The following SH3YL1 variants were observed in gnomAD, a reference collection of about 807,000 sequenced individuals.
SH3YL1 encodes the protein SH3 domain-containing YSC84-like protein 1.
In SH3YL1, 41 loss-of-function variants were observed where a neutral mutation model predicts 45.8. The ratio of observed to expected loss-of-function variants is 0.89; its 90% CI spans 0.70 to 1.16. SH3YL1 has a LOEUF of 1.16. Ranked by LOEUF, SH3YL1 falls within the 50% of genes most tolerant of loss-of-function variation. SH3YL1 has a pLI of 0.00. For missense variants in SH3YL1, 389 were observed against 409.6 expected, an observed-to-expected ratio of 0.95 and a Z score of 0.43; for synonymous variants, 152 against 151.4, an observed-to-expected ratio of 1.00 and a Z score of -0.03.
chr2:231,282 TATA>T, intron 6 of SH3YL1, 91 bp from the exon 7 acceptor site: 1 of 973,452 alleles, frequency 1.0e-6, no homozygotes, highest in South Asian at 1.7e-5. Context: ...GGTGTGTATA[TATA>T]ATCATTCATA....
chr2:227,095 G>A (rs1406548106), intron 8 of SH3YL1, among the ~76,000 whole-genome samples: 2 of 151,306 alleles, frequency 1.3e-5, no homozygotes, highest in African/African-American at 4.9e-5. Context: ...GACTATTATG[G>A]TGGGAAGGTT....
At chr2:224,519 G>A (rs1434223993) in intron 9 of SH3YL1, among the ~76,000 whole-genome samples, 2 of 152,124 alleles carry the variant, frequency 1.3e-5, no homozygotes, top group Non-Finnish European at 2.9e-5. Flanking sequence ...ATGATGCCAT[G>A]GCTCCCGGGG....
chr2:254,835 C>T (rs1434400272), intron 1 of SH3YL1, among the ~76,000 whole-genome samples: 1 of 152,170 alleles, frequency 6.6e-6, no homozygotes, highest in Non-Finnish European at 1.5e-5. Flanking sequence ...TTCCTTTGCC[C>T]TGTTGTTTCA....
chr2:254,573 C>G (rs535322095), intron 1 of SH3YL1, among the ~76,000 whole-genome samples: 2 of 152,274 alleles, frequency 1.3e-5, no homozygotes, highest in East Asian at 1.9e-4. Flanking sequence ...AGATGAAGTA[C>G]GCTAATGGAA....
chr2:234,677 A>C (rs1196186084), intron 4 of SH3YL1, among the ~76,000 whole-genome samples: 1 of 152,002 alleles, frequency 6.6e-6, no homozygotes, highest in Non-Finnish European at 1.5e-5. Flanking sequence ...AAACTTTGTA[A>C]AAGCCAAGCC....
chr2:258,702 G>C (rs1669462949), intron 1 of SH3YL1, among the ~76,000 whole-genome samples: 1 of 152,132 alleles, frequency 6.6e-6, no homozygotes, highest in South Asian at 2.1e-4. Flanking sequence ...ATCAAGGTGT[G>C]TCCCTTCTGG....
At position 252,991 on chromosome 2, in the gene SH3YL1, T is replaced by TC; in HGVS notation, c.112+13dup. On this transcript the variant is annotated intron_variant, in intron 2 of 9. Coordinates refer to ENST00000356150, the MANE Select transcript of SH3YL1 (RefSeq NM_015677.4). The stretch of plus-strand genomic sequence containing the variant: ...GACATTTAGAGACAAACAGCACTCA[T>TC]CCTATTTACCTACCAGGAATGATCT... 1 of 1,434,242 alleles carries TC rather than the reference T, an allele frequency of 7.0e-7. No homozygotes were observed. Among genetic ancestry groups the TC allele is most frequent in the Admixed American group, 2.0e-5 (1 of 50,126 alleles). 88.8% of individuals were successfully genotyped at this position (1,434,242 alleles called of 1,614,324 possible).
intron 9 of SH3YL1, among the ~76,000 whole-genome samples, chr2:223,935 C>A (rs1008059422): frequency 1.3e-5 from 2 of 152,184 alleles, no homozygotes; most frequent in Non-Finnish European, 2.9e-5. Context: ...ACCCTAAATC[C>A]ATCAGGAACA....
At chr2:251,390 C>T (rs1240855186) in intron 2 of SH3YL1, among the ~76,000 whole-genome samples, 1 of 152,084 alleles carries the variant, frequency 6.6e-6, no homozygotes, top group Non-Finnish European at 1.5e-5. Flanking sequence ...ACATAATGCC[C>T]CCCACCAGAC....
At chr2:255,782 T>C (rs1212823763) in intron 1 of SH3YL1, 2 of 152,158 alleles carry the variant, frequency 1.3e-5, no homozygotes, top group Non-Finnish European at 1.5e-5. Context: ...TAGAGGAAGG[T>C]ATTTCCACAG....
intron 6 of SH3YL1, among the ~76,000 whole-genome samples, chr2:231,392 A>G (rs556159200): frequency 6.6e-6 from 1 of 152,328 alleles, no homozygotes; most frequent in African/African-American, 2.4e-5. Flanking sequence ...TCTACAGGCA[A>G]CTACCATAAA....
In SH3YL1 at chr2:233,119, C is replaced by T; in HGVS notation, c.515G>A (p.Arg172Lys). The change falls in exon 6 of 10, where the codon AGG becomes AAG. Residue 172 changes from arginine (R) to lysine (K), a missense_variant. Coordinates refer to ENST00000356150, the MANE Select transcript of SH3YL1 (RefSeq NM_015677.4). Reference protein sequence around the residue: ...VSLEGSCLIERKETNRKFYCQ... With the variant: ...VSLEGSCLIEKKETNRKFYCQ... ...AACTGACTTTCTATTAGTTTCTTTC[C>T]TTTCAATCAAACAGCTCCCTTCTAA... The T allele has an allele frequency of 6.3e-7, 1 of 1,580,174 alleles. No homozygotes were observed. The highest frequency in any genetic ancestry group is 8.6e-7 in the Non-Finnish European group (1 of 1,161,962).
chr2:252,980 A>G lies in SH3YL1; in HGVS notation c.112+25T>C, dbSNP rs761658481. The G allele has an allele frequency of 2.1e-5, 28 of 1,358,994 alleles. No homozygotes were observed. The South Asian group carries it at 3.4e-4, about 17-fold the overall frequency. 84.2% of individuals were successfully genotyped at this position (1,358,994 alleles called of 1,614,324 possible). The stretch of plus-strand genomic sequence containing the variant: ...CTTAGGAAAAAGACATTTAGAGACA[A>G]ACAGCACTCATCCTATTTACCTACC... On this transcript the variant is annotated intron_variant, in intron 2 of 9. Coordinates refer to ENST00000356150, the MANE Select transcript of SH3YL1 (RefSeq NM_015677.4).
chr2:249,844 G>A lies in SH3YL1; in HGVS notation c.113C>T (p.Ala38Val). The change falls in exon 3 of 10, where the codon GCT (alanine) becomes GTT (valine). Residue 38 changes from alanine to valine, a missense_variant and splice_region_variant. Coordinates refer to ENST00000356150, the MANE Select transcript of SH3YL1 (RefSeq NM_015677.4). ...SRNGPDKIIPAHVIAKAKGLA... is the reference protein window; with the variant it reads ...SRNGPDKIIPVHVIAKAKGLA... ...GCCTTTAGCCTTCGCAATTACGTGA[G>A]CTGTTAACGTGGAAAACAATGGGAA... 1 of 1,548,040 alleles carries A rather than the reference G, an allele frequency of 6.5e-7. No homozygotes were observed.
chr2:238,301 GT>G (rs1270081961), intron 4 of SH3YL1, among the ~76,000 whole-genome samples: 8 of 140,086 alleles, frequency 5.7e-5, no homozygotes, highest in Non-Finnish European at 9.4e-5. Flanking sequence ...GTGTGTGTGT[GT>G]GGCATGGCCA....
chr2:242,920 T>C, intron 4 of SH3YL1: 12 of 1,181,060 alleles, frequency 1.0e-5, no homozygotes, highest in Non-Finnish European at 1.3e-5. Flanking sequence ...CAGGGACATA[T>C]TATAATGATA....
In SH3YL1 at chr2:229,997, A is replaced by C. The variant is rs955868265; in HGVS notation, c.750T>G (p.Ser250=). The C allele has an allele frequency of 1.9e-6, 3 of 1,613,090 alleles. No individual in the cohort carries two copies. The highest frequency in any genetic ancestry group is 2.5e-6 in the Non-Finnish European group (3 of 1,179,272). The part of the protein sequence containing the change: ...PKPLSRPQQS[S]APVQLNSGSQ... ...AGCCAGAGTTCAGCTGGACTGGTGC[A>C]GATGACTGCTGTGGTCTTGACAATG... Residue 250 remains serine (S), a synonymous_variant, in exon 8 of 10, where the codon TCT becomes TCG. Coordinates refer to ENST00000356150, the MANE Select transcript of SH3YL1 (RefSeq NM_015677.4).
chr2:222,556 A>C (rs1004925229), intron 9 of SH3YL1: 3 of 152,244 alleles, frequency 2.0e-5, no homozygotes, highest in African/African-American at 7.2e-5. Context: ...GGGATGGGTA[A>C]GAGGACGGGG....
At chr2:231,463 T>C (rs1453939351) in intron 6 of SH3YL1, among the ~76,000 whole-genome samples, 1 of 152,186 alleles carries the variant, frequency 6.6e-6, no homozygotes, top group Admixed American at 6.5e-5. Flanking sequence ...ATCATGGAAA[T>C]ACTTATACTT....
Sources: allele counts gnomAD v4.1 joint callset (sites outside exome capture counted in the v4.1 genomes callset), GRCh38; gene constraint gnomAD v4.1.1; transcripts MANE v1.5; gene names NCBI Gene and HGNC (gene_info 2026-07-23, HGNC 2026-07-21).